FSTL5: variants seen among roughly 807,000 people sequenced by gnomAD.
FSTL5 encodes follistatin like 5.
Under a neutral mutation model 89.1 loss-of-function variants are expected in FSTL5, and 62 were observed. That is an observed-to-expected ratio of 0.70 (90% CI 0.57 to 0.86). FSTL5 has a LOEUF of 0.86. FSTL5 is among the 40% of genes least tolerant of loss of function. The pLI, the probability that FSTL5 is intolerant of heterozygous loss-of-function variation, is 0.00. For synonymous variants in FSTL5, 383 were observed against 346.2 expected (o/e 1.11, Z -1.18); for missense variants, 1,057 against 1,001.6 (o/e 1.06, Z -0.75).
chr4:161,555,143 G>GT (rs970715953), intron 8 of FSTL5, among the ~76,000 whole-genome samples: 3 of 151,518 alleles, frequency 2.0e-5, no homozygotes, highest in African/African-American at 7.3e-5. Flanking sequence ...ACTTCGGTGA[G>GT]TTTTTTTAAT....
chr4:161,895,598 C>T (rs912984763), intron 4 of FSTL5, among the ~76,000 whole-genome samples: 3 of 152,008 alleles, frequency 2.0e-5, no homozygotes, highest in Non-Finnish European at 2.9e-5. Flanking sequence ...AGTTTTGATG[C>T]TATGAATGAT....
intron 15 of FSTL5, among the ~76,000 whole-genome samples, chr4:161,409,905 T>A (rs547064163): frequency 6.6e-6 from 1 of 152,096 alleles, no homozygotes; most frequent in East Asian, 1.9e-4. Flanking sequence ...GTAAATAGGC[T>A]TACTTAAATG....
intron 4 of FSTL5, among the ~76,000 whole-genome samples, chr4:161,822,825 G>A (rs1730534112): frequency 6.6e-6 from 1 of 152,202 alleles, no homozygotes; most frequent in African/African-American, 2.4e-5. Context: ...GGTGAATAAG[G>A]CAGAGAAGTT....
At chr4:161,778,950 C>T (rs1741521019) in intron 4 of FSTL5, among the ~76,000 whole-genome samples, 1 of 152,142 alleles carries the variant, frequency 6.6e-6, no homozygotes, top group African/African-American at 2.4e-5. Context: ...TGTACATGAC[C>T]CTGGGTCTGT....
chr4:161,953,020 G>A (rs1211833525), intron 3 of FSTL5, among the ~76,000 whole-genome samples: 1 of 151,654 alleles, frequency 6.6e-6, no homozygotes, highest in East Asian at 1.9e-4. Flanking sequence ...ATGAAGACAA[G>A]ACACAATTCT....
At chr4:162,000,605 A>C (rs77405904) in intron 3 of FSTL5, among the ~76,000 whole-genome samples, 63,232 of 151,316 alleles carry the variant, frequency 0.42, 13,386 homozygotes, top group Middle Eastern at 0.58. Context: ...CTAAAAAAAA[A>C]AAAAACAAAA....
chr4:161,698,541 A>C (rs1369934851), intron 6 of FSTL5, among the ~76,000 whole-genome samples: 3 of 152,192 alleles, frequency 2.0e-5, no homozygotes, highest in Non-Finnish European at 4.4e-5. Flanking sequence ...ATTAGTGTGG[A>C]GAAACAACAG....
At chr4:161,414,567 T>C (rs1415931390) in intron 15 of FSTL5, among the ~76,000 whole-genome samples, 5 of 152,180 alleles carry the variant, frequency 3.3e-5, no homozygotes, top group Admixed American at 2.0e-4. Flanking sequence ...CATTAGAATA[T>C]CAGTCTGGTG....
At chr4:161,392,436 G>A (rs776616035) in intron 15 of FSTL5, among the ~76,000 whole-genome samples, 1 of 152,052 alleles carries the variant, frequency 6.6e-6, no homozygotes, top group Non-Finnish European at 1.5e-5. Context: ...TGCTGCCAAG[G>A]CTAGCCTTGA....
intron 7 of FSTL5, among the ~76,000 whole-genome samples, chr4:161,588,474 G>A (rs1056787217): frequency 6.6e-6 from 1 of 151,754 alleles, no homozygotes; most frequent in African/African-American, 2.4e-5. Flanking sequence ...GGAGATAAAT[G>A]CATAACCATT....
chr4:161,886,463 G>A (rs1542071), intron 4 of FSTL5, among the ~76,000 whole-genome samples: 126,912 of 152,200 alleles, frequency 0.83, 53,544 homozygotes, highest in Non-Finnish European at 0.9. Flanking sequence ...CTCTCCACAC[G>A]AATTCATATT....
At chr4:161,829,968 T>G (rs575307273) in intron 4 of FSTL5, among the ~76,000 whole-genome samples, 2 of 152,048 alleles carry the variant, frequency 1.3e-5, no homozygotes, top group African/African-American at 2.4e-5. Context: ...ATCAGAACCA[T>G]TTTTTGAGAT....
At chr4:161,432,488 C>T (rs7657110) in intron 15 of FSTL5, among the ~76,000 whole-genome samples, 2,711 of 151,744 alleles carry the variant, frequency 0.018, 82 homozygotes, top group African/African-American at 0.062. Flanking sequence ...AGCACCTATA[C>T]CAAAAAGGTA....
At chr4:161,820,771 A>G (rs1441200882) in intron 4 of FSTL5, among the ~76,000 whole-genome samples, 1 of 152,108 alleles carries the variant, frequency 6.6e-6, no homozygotes, top group African/African-American at 2.4e-5. Flanking sequence ...CTATATTACT[A>G]CTTGAGAACC....
At chr4:162,071,440 A>T (rs1305111055) in intron 2 of FSTL5, among the ~76,000 whole-genome samples, 3 of 151,812 alleles carry the variant, frequency 2.0e-5, no homozygotes, top group African/African-American at 7.2e-5. Flanking sequence ...CAGCAAGAGT[A>T]TATAACAATT....
chr4:161,734,994 C>G (rs1205160605), intron 6 of FSTL5, among the ~76,000 whole-genome samples: 1 of 152,126 alleles, frequency 6.6e-6, no homozygotes, highest in Non-Finnish European at 1.5e-5. Flanking sequence ...GAGACAGTGG[C>G]AGAGCTCACA....
chr4:161,938,861 C>T (rs1320267011), intron 3 of FSTL5, among the ~76,000 whole-genome samples: 4 of 151,378 alleles, frequency 2.6e-5, no homozygotes, highest in Non-Finnish European at 5.9e-5. Flanking sequence ...TTAATTTATC[C>T]TTAAACTTAA....
At chr4:161,819,188 C>T (rs980699012) in intron 4 of FSTL5, among the ~76,000 whole-genome samples, 1 of 151,842 alleles carries the variant, frequency 6.6e-6, no homozygotes, top group Non-Finnish European at 1.5e-5. Context: ...CTAATAATAA[C>T]TAAGTTGAAA....
chr4:162,008,273 A>G (rs1736667498), intron 3 of FSTL5, among the ~76,000 whole-genome samples: 1 of 151,780 alleles, frequency 6.6e-6, no homozygotes. Flanking sequence ...TTAAGAAAAT[A>G]CAGGTGTTCT....
Sources: gnomAD v4.1 joint callset for allele counts (sites outside exome capture counted in the v4.1 genomes callset) on GRCh38, gnomAD v4.1.1 for gene constraint, MANE v1.5 for transcripts, NCBI Gene and HGNC (gene_info 2026-07-23, HGNC 2026-07-21) for gene names.